The following RXFP1 variants were observed in gnomAD, a reference collection of about 807,000 sequenced individuals.
RXFP1 encodes relaxin receptor 1.
In RXFP1, 73 loss-of-function variants were observed where a neutral mutation model predicts 89.8. The observed-to-expected ratio is 0.81, with a 90% confidence interval of 0.67 to 0.99. The LOEUF is 0.99. Among genes scored for constraint, RXFP1 ranks in the 50% least tolerant of loss-of-function variants. The probability of loss-of-function intolerance (pLI) is 0.00; values close to 1 mark genes in which losing one functional copy is unlikely to be tolerated. For missense variants in RXFP1, 793 were observed against 895.5 expected (o/e 0.89, Z 1.46); for synonymous variants, 277 against 305.5 (o/e 0.91, Z 0.97).
intron 1 of RXFP1, among the ~76,000 whole-genome samples, chr4:158,528,861 A>G (rs528053808): frequency 6.6e-6 from 1 of 152,372 alleles, no homozygotes; most frequent in East Asian, 1.9e-4. Flanking sequence ...TGTAGGCACC[A>G]AATACCTGTG....
intron 12 of RXFP1, among the ~76,000 whole-genome samples, chr4:158,635,813 G>A (rs907123223): frequency 6.6e-6 from 1 of 151,510 alleles, no homozygotes; most frequent in African/African-American, 2.4e-5. Flanking sequence ...GTAACTTATG[G>A]TCTAATCTTC....
chr4:158,646,117 T>C (rs1298578746), intron 15 of RXFP1, among the ~76,000 whole-genome samples: 1 of 152,138 alleles, frequency 6.6e-6, no homozygotes, highest in Non-Finnish European at 1.5e-5. Flanking sequence ...AAAAGAAATA[T>C]GCCAAGTAGT....
At chr4:158,551,910 C>T (rs1750232138) in intron 1 of RXFP1, among the ~76,000 whole-genome samples, 1 of 152,158 alleles carries the variant, frequency 6.6e-6, no homozygotes, top group Admixed American at 6.5e-5. Context: ...ACTGGTTACT[C>T]CAGCCTGGGT....
chr4:158,559,812 G>A (rs973188801), intron 1 of RXFP1, among the ~76,000 whole-genome samples: 2 of 152,178 alleles, frequency 1.3e-5, no homozygotes, highest in African/African-American at 4.8e-5. Context: ...TCTGACTGTT[G>A]CACTGATATT....
At chr4:158,602,776 CAG>C (rs1442298412) in intron 4 of RXFP1, among the ~76,000 whole-genome samples, 10 of 151,524 alleles carry the variant, frequency 6.6e-5, no homozygotes, top group Non-Finnish European at 1.5e-4. Context: ...TTTTTTGAGA[CAG>C]AGTCTCACTC....
At chr4:158,549,442 C>T (rs183222355) in intron 1 of RXFP1, among the ~76,000 whole-genome samples, 66 of 152,326 alleles carry the variant, frequency 4.3e-4, no homozygotes, top group African/African-American at 1.5e-3. Flanking sequence ...AAGCCTTCTT[C>T]TCTCAGCTCG....
At chr4:158,608,392 A>G (rs1369898657) in intron 6 of RXFP1, among the ~76,000 whole-genome samples, 14 of 142,300 alleles carry the variant, frequency 9.8e-5, no homozygotes, top group Non-Finnish European at 7.5e-5. Context: ...GGTTCAAGCA[A>G]TTCTCTGCCT....
chr4:158,628,585 A>G, intron 10 of RXFP1, 53 bp from the exon 11 acceptor site: 1 of 853,134 alleles, frequency 1.2e-6, no homozygotes, highest in Non-Finnish European at 1.9e-6. Flanking sequence ...CTCTTTAGTA[A>G]TTCTTGTCGG....
intron 4 of RXFP1, among the ~76,000 whole-genome samples, chr4:158,600,169 C>A (rs1761416619): frequency 6.6e-6 from 1 of 152,240 alleles, no homozygotes; most frequent in Admixed American, 6.5e-5. Flanking sequence ...CATTTAGATA[C>A]CTTAGTGCCT....
At chr4:158,628,884 A>C (rs570475735) in intron 11 of RXFP1, among the ~76,000 whole-genome samples, 175 bp downstream of exon 11, 1 of 151,686 alleles carries the variant, frequency 6.6e-6, no homozygotes, top group South Asian at 2.1e-4. Context: ...AAAAATATGG[A>C]AAATAAAAAT....
intron 2 of RXFP1, among the ~76,000 whole-genome samples, chr4:158,586,783 G>T (rs1758385703): frequency 6.6e-6 from 1 of 152,028 alleles, no homozygotes; most frequent in Non-Finnish European, 1.5e-5. Context: ...TTACTAAAAG[G>T]CTTGTTTGTT....
At chr4:158,602,241 A>T (rs1761824322) in intron 4 of RXFP1, among the ~76,000 whole-genome samples, 1 of 152,216 alleles carries the variant, frequency 6.6e-6, no homozygotes, top group Non-Finnish European at 1.5e-5. Flanking sequence ...GAAAGAAGTA[A>T]CCTATAAATC....
At chr4:158,567,597 T>A (rs1211218723) in intron 1 of RXFP1, among the ~76,000 whole-genome samples, 1 of 152,134 alleles carries the variant, frequency 6.6e-6, no homozygotes, top group Non-Finnish European at 1.5e-5. Context: ...GCACTCTGTA[T>A]CTAGCTCAAG....
intron 12 of RXFP1, 79 bp from the exon 13 acceptor site, chr4:158,637,929 A>G (rs898669748): frequency 1.8e-5 from 15 of 846,306 alleles, no homozygotes; most frequent in Non-Finnish European, 3.0e-5. Context: ...ATGTTAAAGT[A>G]ACCCAAAATA....
chr4:158,617,419 C>A (rs1355586316), intron 9 of RXFP1, among the ~76,000 whole-genome samples: 4 of 142,998 alleles, frequency 2.8e-5, no homozygotes, highest in African/African-American at 5.3e-5. Flanking sequence ...TAAAACATCT[C>A]AAAAAAAATA....
intron 4 of RXFP1, among the ~76,000 whole-genome samples, chr4:158,601,414 C>T (rs145498979): frequency 6.6e-6 from 1 of 152,210 alleles, no homozygotes; most frequent in African/African-American, 2.4e-5. Context: ...ATTAACAGGT[C>T]ACTCAGTGGA....
rs1193640225 is a variant in RXFP1 at position 158,652,875 on chromosome 4, A to C, written c.*820A>C. ...ATTGTCAGTTAACTGATTTTCAACA[A>C]GGATGCCAAGACAAAAAGGCTTTTC... On this transcript the variant is annotated 3_prime_UTR_variant, in exon 18 of 18. Coordinates refer to ENST00000307765, the MANE Select transcript of RXFP1 (RefSeq NM_021634.4). 6.6e-6 allele frequency: 1 copy of C among 152,250 alleles called. No homozygotes were observed. Among genetic ancestry groups the C allele is most frequent in the Non-Finnish European group, 1.5e-5 (1 of 68,044 alleles). 9.4% of individuals were successfully genotyped at this position (152,250 alleles called of 1,614,324 possible). A position where few individuals can be genotyped will look rare whatever the true frequency, so the allele number is the denominator to read the frequency against.
intron 3 of RXFP1, among the ~76,000 whole-genome samples, chr4:158,594,842 A>G (rs1760223893): frequency 6.6e-6 from 1 of 152,102 alleles, no homozygotes; most frequent in Non-Finnish European, 1.5e-5. Flanking sequence ...GTTTATTTTT[A>G]TCCTTTTTTG....
chr4:158,650,772 A>G (rs994295324), intron 17 of RXFP1, among the ~76,000 whole-genome samples: 1 of 150,736 alleles, frequency 6.6e-6, no homozygotes, highest in African/African-American at 2.4e-5. Context: ...CTATCTCAGG[A>G]AAAAAAAACA....
Sources: gnomAD v4.1 joint callset for allele counts (sites outside exome capture counted in the v4.1 genomes callset) on GRCh38, gnomAD v4.1.1 for gene constraint, MANE v1.5 for transcripts, NCBI Gene and HGNC (gene_info 2026-07-23, HGNC 2026-07-21) for gene names.